The following CPS1 variants were observed in gnomAD, a reference collection of about 807,000 sequenced individuals.
CPS1 encodes carbamoyl-phosphate synthase 1.
CPS1 carries 109 observed loss-of-function variants against 174.6 expected under a neutral mutation model. The ratio of observed to expected loss-of-function variants is 0.62; its 90% CI spans 0.53 to 0.73. The LOEUF (loss-of-function observed/expected upper bound fraction) is 0.73, where lower values mean the gene tolerates loss of function less well. CPS1 is among the 30% of genes least tolerant of loss of function. CPS1 has a pLI of 0.00. For missense variants in CPS1, 1,689 were observed against 1,821.9 expected (o/e 0.93, Z 1.33); for synonymous variants, 637 against 632.0 (o/e 1.01, Z -0.12).
intron 21 of CPS1, chr2:210,618,051 A>T (rs755453120): frequency 1.4e-4 from 22 of 152,034 alleles, no homozygotes; most frequent in Non-Finnish European, 2.4e-4. Context: ...GACAAATTCA[A>T]TGTTTTAATT....
upstream of CPS1, among the ~76,000 whole-genome samples, chr2:210,553,817 C>A (rs1276307628): frequency 1.3e-5 from 2 of 151,956 alleles, no homozygotes; most frequent in Non-Finnish European, 2.9e-5. Flanking sequence ...TTTGATCTAT[C>A]CTAATGTAAA....
chr2:210,558,314 G>A (rs1011409894), intron 1 of CPS1, among the ~76,000 whole-genome samples: 3 of 151,878 alleles, frequency 2.0e-5, no homozygotes, highest in African/African-American at 7.3e-5. Flanking sequence ...TGGCCATAAA[G>A]GGCACTGGGA....
intron 33 of CPS1, among the ~76,000 whole-genome samples, chr2:210,664,697 G>C (rs1701034949): frequency 6.6e-6 from 1 of 152,040 alleles, no homozygotes; most frequent in Admixed American, 6.6e-5. Context: ...GGGAGTTATT[G>C]AAATATAAAA....
chr2:210,593,710 C>T lies in CPS1; in HGVS notation c.1164+754C>T, dbSNP rs1207851507. ...GAAGAGAATAAGAGCTTTCTTTCTG[C>T]AAGCTCTGCTCTACTCTCTCATGTC... On this transcript the variant is annotated intron_variant, in intron 11 of 37. Transcript: ENST00000233072. 7 of 913,130 alleles carry T rather than the reference C, an allele frequency of 7.7e-6. No homozygotes were observed. In the African/African-American group the frequency reaches 1.3e-4, roughly 16 times the overall value. 56.6% of individuals were successfully genotyped at this position (913,130 alleles called of 1,614,324 possible).
intron 21 of CPS1, chr2:210,631,277 T>C (rs1251654724): frequency 6.6e-6 from 1 of 152,190 alleles, no homozygotes; most frequent in Non-Finnish European, 1.5e-5. Flanking sequence ...CCCCAGCTCC[T>C]CTGTGCCAGG....
chr2:210,634,470 TTCTCTC>T (rs200479483), intron 21 of CPS1, among the ~76,000 whole-genome samples: 1 of 151,706 alleles, frequency 6.6e-6, no homozygotes, highest in African/African-American at 2.4e-5. Context: ...CAAAATTAAT[TTCTCTC>T]TCTCTCTCTT....
rs1695559557 is a variant in CPS1, at chr2:210,512,978, ATATG to A, written c.3+35213_3+35216del. Among the ~76,000 whole-genome samples the A allele has an allele frequency of 1.0e-4, 3 of 28,892 alleles. 1 individual carries two copies. Among genetic ancestry groups the A allele is most frequent in the Admixed American group, 4.1e-4 (1 of 2,414 alleles). The allele number at this position is 28,892 out of a possible 152,430, so 19.0% of individuals were successfully genotyped here. On this transcript the variant is annotated intron_variant, in intron 1 of 38. Coordinates refer to the CPS1 transcript ENST00000430249. ...GAGATATATATATGGAGATATATAT[ATATG>A]GAGAGATATATATATGGAGATATAT...
chr2:210,589,102 C>T (rs1303261152), intron 7 of CPS1, among the ~76,000 whole-genome samples: 1 of 152,050 alleles, frequency 6.6e-6, no homozygotes, highest in Non-Finnish European at 1.5e-5. Flanking sequence ...CACCCTGGCT[C>T]CTTTGTCCCA....
At position 210,591,833 on chromosome 2, in the gene CPS1, G is replaced by A. The variant is rs1273594946; in HGVS notation, c.950G>A (p.Gly317Glu). Residue 317 changes from glycine to glutamate, a missense_variant and splice_region_variant, in exon 10 of 38, where the codon GGG (glycine) becomes GAG (glutamate). Physicochemically the swap from Gly to Glu is moderately conservative, Grantham distance 98. Coordinates refer to ENST00000233072, the MANE Select transcript of CPS1 (RefSeq NM_001875.5). The stretch of plus-strand genomic sequence containing the variant: ...TCTTTTTCTCCTTTTCTCTCCAGAG[G>A]GCAGAATCAGCCTGTTTTGAATATC... The part of the protein sequence containing the change: ...KTYKMSMANR[G>E]QNQPVLNITN... 1 of 1,611,518 alleles carries A rather than the reference G, an allele frequency of 6.2e-7. No individual in the cohort carries two copies. Among genetic ancestry groups the A allele is most frequent in the East Asian group, 2.2e-5 (1 of 44,816 alleles).
intron 22 of CPS1, 93 bp downstream of exon 22, chr2:210,637,936 G>T: frequency 1.4e-6 from 2 of 1,412,902 alleles, no homozygotes; most frequent in Non-Finnish European, 2.0e-6. Flanking sequence ...TTAATAAAAA[G>T]AGGAGTGGAA....
At chr2:210,621,788 C>G (rs1699538579) in intron 21 of CPS1, among the ~76,000 whole-genome samples, 1 of 152,100 alleles carries the variant, frequency 6.6e-6, no homozygotes, top group Non-Finnish European at 1.5e-5. Flanking sequence ...GAATTTATAA[C>G]TCTTAATACT....
chr2:210,604,003 A>G (rs779493942), intron 16 of CPS1, among the ~76,000 whole-genome samples: 26 of 152,100 alleles, frequency 1.7e-4, no homozygotes, highest in Middle Eastern at 3.4e-3. Context: ...TTACTTCATT[A>G]GAATGCAAAA....
intron 1 of CPS1, among the ~76,000 whole-genome samples, chr2:210,506,069 G>T (rs1015082314): frequency 1.3e-5 from 2 of 152,150 alleles, no homozygotes; most frequent in Admixed American, 1.3e-4. Flanking sequence ...TGGAGATCTG[G>T]AATGGACAGA....
At chr2:210,586,469 G>A (rs1698113338) in intron 6 of CPS1, among the ~76,000 whole-genome samples, 1 of 151,998 alleles carries the variant, frequency 6.6e-6, no homozygotes, top group African/African-American at 2.4e-5. Flanking sequence ...ATTGAGAACT[G>A]CCTTGGTGGT....
At chr2:210,589,896 C>A (rs1003225470) in intron 7 of CPS1, among the ~76,000 whole-genome samples, 1 of 151,868 alleles carries the variant, frequency 6.6e-6, no homozygotes, top group South Asian at 2.1e-4. Context: ...GCAATTCCCC[C>A]CTATCTTGAG....
In CPS1 at chr2:210,507,705, A is replaced by T. The variant is rs537421342; in HGVS notation, c.3+29939A>T. 3.0e-4 allele frequency among the ~76,000 whole-genome samples: 46 copies of T among 151,636 alleles called. No homozygotes were observed. In the East Asian group the frequency reaches 7.0e-3, roughly 23 times the overall value. Reference sequence around the variant, plus strand: ...AAGATCTACCAAGCAAATGGAAAACAAAAAAAGGCAGGGGTTGCAATCCTA... The same window carrying T: ...AAGATCTACCAAGCAAATGGAAAACTAAAAAAGGCAGGGGTTGCAATCCTA... On this transcript the variant is annotated intron_variant, in intron 1 of 38. Coordinates refer to the CPS1 transcript ENST00000430249.
intron 21 of CPS1, among the ~76,000 whole-genome samples, chr2:210,628,660 C>T (rs1017299710): frequency 5.9e-5 from 9 of 151,924 alleles, no homozygotes; most frequent in Middle Eastern, 3.2e-3. Flanking sequence ...ATTAGCTGGG[C>T]GTGGTGGCAG....
intron 21 of CPS1, among the ~76,000 whole-genome samples, chr2:210,630,299 A>T (rs751010755): frequency 6.6e-6 from 1 of 152,192 alleles, no homozygotes; most frequent in Non-Finnish European, 1.5e-5. Context: ...GTCATTAAAG[A>T]TTAGCAAAAA....
At chr2:210,654,711 G>T (rs1700655810) in intron 29 of CPS1, among the ~76,000 whole-genome samples, 1 of 152,178 alleles carries the variant, frequency 6.6e-6, no homozygotes. Flanking sequence ...TTAAAATGTA[G>T]TAAGTTATGT....
Sources: gnomAD v4.1 joint callset for allele counts (sites outside exome capture counted in the v4.1 genomes callset) on GRCh38, gnomAD v4.1.1 for gene constraint, MANE v1.5 for transcripts, NCBI Gene and HGNC (gene_info 2026-07-23, HGNC 2026-07-21) for gene names.